Variants in HNRNPUL1 observed in about 807,000 individuals in gnomAD.
HNRNPUL1 encodes heterogeneous nuclear ribonucleoprotein U like 1.
In HNRNPUL1, 14 loss-of-function variants were observed where a neutral mutation model predicts 108.5. The ratio of observed to expected loss-of-function variants is 0.13; its 90% CI spans 0.09 to 0.20. The LOEUF (loss-of-function observed/expected upper bound fraction) is 0.20. Ranked by LOEUF, HNRNPUL1 falls within the 10% of genes least tolerant of loss-of-function variation. HNRNPUL1 has a pLI of 1.00. For missense variants in HNRNPUL1, 804 were observed against 1,168.3 expected (o/e 0.69, Z 4.55); for synonymous variants, 422 against 445.2 (o/e 0.95, Z 0.66).
At chr19:41,272,996 C>T (rs1277662529) in intron 3 of HNRNPUL1, among the ~76,000 whole-genome samples, 1 of 152,198 alleles carries the variant, frequency 6.6e-6, no homozygotes, top group Non-Finnish European at 1.5e-5. Context: ...CGGAGTCCAC[C>T]TTCTAACTAG....
intron 4 of HNRNPUL1, among the ~76,000 whole-genome samples, chr19:41,274,272 C>G (rs998141367): frequency 1.3e-5 from 2 of 152,204 alleles, no homozygotes; most frequent in African/African-American, 4.8e-5. Context: ...TTCTACTTCT[C>G]TGAGCTTCCC....
At chr19:41,293,503 C>T (rs770450868) in intron 8 of HNRNPUL1, among the ~76,000 whole-genome samples, 2 of 152,338 alleles carry the variant, frequency 1.3e-5, no homozygotes, top group Admixed American at 6.5e-5. Flanking sequence ...GCCACTCCCC[C>T]CTAGTCGGGC....
intron 1 of HNRNPUL1, 67 bp downstream of exon 1, chr19:41,264,865 G>C (rs2034714438): frequency 7.4e-7 from 1 of 1,346,766 alleles, no homozygotes; most frequent in South Asian, 1.9e-5. Flanking sequence ...TGTGGGACGC[G>C]GGAGTCCAGC....
chr19:41,272,426 TCCTC>T (rs1278043550), intron 3 of HNRNPUL1, 191 bp downstream of exon 3: 4 of 561,458 alleles, frequency 7.1e-6, no homozygotes, highest in Non-Finnish European at 1.2e-5. Context: ...TTCCCCCAGT[TCCTC>T]CCTTCTTACC....
chr19:41,287,445 A>G (rs1489732023), intron 7 of HNRNPUL1, among the ~76,000 whole-genome samples: 2 of 152,158 alleles, frequency 1.3e-5, no homozygotes, highest in African/African-American at 4.8e-5. Flanking sequence ...TTGAGTTTCT[A>G]GTTCAGGATC....
At position 41,292,917 on chromosome 19, in the gene HNRNPUL1, T is replaced by C. The variant is rs1017294588; in HGVS notation, c.1266+406T>C. ...TGGAGTGCAGTGGTGCGATCACGGC[T>C]TACTGCAGCCTTGACCTTCCAGGCT... On this transcript the variant is annotated intron_variant, in intron 8 of 14. Coordinates refer to ENST00000392006, the MANE Select transcript of HNRNPUL1 (RefSeq NM_007040.6). The surrounding 1 kb of genome is among the most constrained non-coding windows in gnomAD (Gnocchi z 4.1). 6.6e-6 allele frequency among the ~76,000 whole-genome samples: 1 copy of C among 152,086 alleles called. No homozygotes were observed. Among genetic ancestry groups the C allele is most frequent in the African/African-American group, 2.4e-5 (1 of 41,398 alleles).
chr19:41,282,852 G>A lies in HNRNPUL1; in HGVS notation c.999+1577G>A, dbSNP rs551553820. On this transcript the variant is annotated intron_variant, in intron 7 of 14. Transcript: ENST00000392006. ...CTACAGGCGCCCGCCACTACGCCCG[G>A]CTAATTTTTTGTATTTTTTTTTTAG... is the stretch of plus-strand genomic sequence containing the variant. Among the ~76,000 whole-genome samples the A allele has an allele frequency of 1.9e-3, 285 of 151,204 alleles. 1 individual carries two copies. In the Middle Eastern group the frequency reaches 0.02, roughly 11 times the overall value.
intron 11 of HNRNPUL1, 137 bp downstream of exon 11, chr19:41,301,841 C>A: frequency 1.3e-6 from 1 of 791,114 alleles, no homozygotes; most frequent in Non-Finnish European, 1.9e-6. Context: ...TGCTTTGTCC[C>A]TTCCTTGTCT....
chr19:41,291,376 A>G (rs2036566691), intron 7 of HNRNPUL1, among the ~76,000 whole-genome samples: 1 of 152,202 alleles, frequency 6.6e-6, no homozygotes, highest in African/African-American at 2.4e-5. Context: ...CTCAGGGAAC[A>G]TGTTGAACAA....
chr19:41,267,505 C>T (rs1000254518), intron 1 of HNRNPUL1, among the ~76,000 whole-genome samples: 5 of 152,230 alleles, frequency 3.3e-5, no homozygotes, highest in African/African-American at 1.2e-4. Context: ...CTTAAGCCCT[C>T]CTTCAACCTT....
rs923162893 is a variant in HNRNPUL1 at position 41,307,662 on chromosome 19, C to G, written c.*1097C>G. 2.6e-5 allele frequency: 4 copies of G among 152,584 alleles called. No homozygotes were observed. Among genetic ancestry groups the G allele is most frequent in the Admixed American group, 6.5e-5 (1 of 15,274 alleles). The allele number at this position is 152,584 out of a possible 1,614,324, so 9.5% of individuals were successfully genotyped here. A position where few individuals can be genotyped will look rare whatever the true frequency, so the allele number is the denominator to read the frequency against. ...TGTTTTCTTTGAATAAATGACATGG[C>G]ACCTCCTAGCAGGAAGGAAGCAGGG... On this transcript the variant is annotated 3_prime_UTR_variant, in exon 15 of 15. Transcript: ENST00000392006.
chr19:41,273,577 T>C (rs1462545571), intron 3 of HNRNPUL1, among the ~76,000 whole-genome samples: 5 of 152,230 alleles, frequency 3.3e-5, no homozygotes, highest in African/African-American at 1.2e-4. Context: ...TTGGGATTTA[T>C]ATAGGCTCTT....
chr19:41,304,520 A>G lies in HNRNPUL1; in HGVS notation c.2262+259A>G, dbSNP rs545281312. On this transcript the variant is annotated intron_variant, in intron 13 of 14. Transcript: ENST00000392006. Reference sequence around the variant, plus strand: ...CTCTTCTCCCACCACCCTCAAGGGGATGGGCTGTAAGCACTGATCCCTCCA... The same window carrying G: ...CTCTTCTCCCACCACCCTCAAGGGGGTGGGCTGTAAGCACTGATCCCTCCA... Among the ~76,000 whole-genome samples the G allele has an allele frequency of 2.0e-5, 3 of 152,266 alleles. No homozygotes were observed. In the South Asian group the frequency reaches 6.2e-4, roughly 32 times the overall value.
At chr19:41,287,933 C>T (rs1371541127) in intron 7 of HNRNPUL1, among the ~76,000 whole-genome samples, 2 of 152,102 alleles carry the variant, frequency 1.3e-5, no homozygotes, top group African/African-American at 4.8e-5. Flanking sequence ...CGGTTTTAAA[C>T]CTTGCATTTT....
At chr19:41,279,019 C>A (rs564582875) in intron 5 of HNRNPUL1, 58 bp from the exon 6 acceptor site, 3 of 1,200,468 alleles carry the variant, frequency 2.5e-6, no homozygotes, top group African/African-American at 3.0e-5. Context: ...CCTATATTGG[C>A]TCATAACCTA....
chr19:41,266,708 C>T (rs529355319), intron 1 of HNRNPUL1, among the ~76,000 whole-genome samples: 1 of 152,160 alleles, frequency 6.6e-6, no homozygotes, highest in African/African-American at 2.4e-5. Context: ...CACCCTGGGA[C>T]TTGGGGCTAA....
chr19:41,293,589 C>A (rs1397206295), intron 8 of HNRNPUL1, among the ~76,000 whole-genome samples: 1 of 152,212 alleles, frequency 6.6e-6, no homozygotes, highest in African/African-American at 2.4e-5. Flanking sequence ...GTGTGCAGCT[C>A]TGTTCCTATT....
intron 10 of HNRNPUL1, among the ~76,000 whole-genome samples, chr19:41,296,467 C>G (rs1294291365): frequency 6.6e-6 from 1 of 152,168 alleles, no homozygotes; most frequent in Non-Finnish European, 1.5e-5. Flanking sequence ...ACTCTGAAGG[C>G]TGGGGAGGAG....
intron 7 of HNRNPUL1, among the ~76,000 whole-genome samples, chr19:41,291,510 T>C (rs1201083675): frequency 6.6e-6 from 1 of 152,152 alleles, no homozygotes; most frequent in African/African-American, 2.4e-5. Context: ...TTACCCAGGC[T>C]GTACTTGAAC....
Sources: gnomAD v4.1 joint callset for allele counts (sites outside exome capture counted in the v4.1 genomes callset) on GRCh38, gnomAD v4.1.1 for gene constraint, Gnocchi (gnomAD v3.1) non-coding constraint, MANE v1.5 for transcripts, NCBI Gene and HGNC (gene_info 2026-07-23, HGNC 2026-07-21) for gene names.